Variants in CCDC191 observed in about 807,000 individuals in gnomAD.
CCDC191 encodes coiled-coil domain-containing protein 191.
CCDC191 carries 99 observed loss-of-function variants against 114.0 expected under a neutral mutation model. That is an observed-to-expected ratio of 0.87 (90% confidence interval 0.74 to 1.03). CCDC191 has a LOEUF of 1.03. CCDC191 is among the 50% of genes least tolerant of loss of function. CCDC191 has a pLI of 0.00. For synonymous variants in CCDC191, 351 were observed against 376.0 expected (o/e 0.93, Z 0.77); for missense variants, 973 against 1,087.0 (o/e 0.90, Z 1.47).
intron 11 of CCDC191, chr3:114,004,056 GC>G: frequency 1.0e-6 from 1 of 959,596 alleles, no homozygotes; most frequent in Non-Finnish European, 1.2e-6. Flanking sequence ...ACTCCTTGAG[GC>G]CAGGAGTTTG....
At chr3:113,993,166 C>G (rs1381731659) in intron 13 of CCDC191, among the ~76,000 whole-genome samples, 1 of 152,098 alleles carries the variant, frequency 6.6e-6, no homozygotes, top group Non-Finnish European at 1.5e-5. Context: ...GGTGTGGTGG[C>G]TCACGCCTGT....
chr3:114,018,006 A>G lies in CCDC191; in HGVS notation c.1163+672T>C, dbSNP rs550812071. 3.3e-5 allele frequency among the ~76,000 whole-genome samples: 5 copies of G among 152,320 alleles called. No homozygotes were observed. The South Asian group carries it at 1.0e-3, about 32-fold the overall frequency. ...AAAGAAAGCCTCATTTGAAGGCAGAATTCTGTGTCATTCACAAACATAAGA... is the reference window on the plus strand; with the variant it reads ...AAAGAAAGCCTCATTTGAAGGCAGAGTTCTGTGTCATTCACAAACATAAGA... On this transcript the variant is annotated intron_variant, in intron 8 of 16. Transcript: ENST00000295878.
intron 1 of CCDC191, among the ~76,000 whole-genome samples, chr3:114,053,932 T>A (rs2076731175): frequency 6.6e-6 from 1 of 152,000 alleles, no homozygotes; most frequent in Non-Finnish European, 1.5e-5. Context: ...TTAAACCTCC[T>A]TAGGGTTAAG....
At chr3:114,020,417 T>C (rs1284005420) in intron 7 of CCDC191, among the ~76,000 whole-genome samples, 2 of 152,168 alleles carry the variant, frequency 1.3e-5, no homozygotes, top group African/African-American at 4.8e-5. Flanking sequence ...TAATTTCTCA[T>C]TAGGAGAAAC....
chr3:114,037,647 G>A (rs1177146383), intron 4 of CCDC191, among the ~76,000 whole-genome samples: 37 of 152,018 alleles, frequency 2.4e-4, no homozygotes, highest in Non-Finnish European at 1.5e-5. Flanking sequence ...ATCTCTGGGG[G>A]ATTGGTTCCA....
At chr3:114,023,238 C>A (rs1160568149) in intron 7 of CCDC191, among the ~76,000 whole-genome samples, 3 of 152,212 alleles carry the variant, frequency 2.0e-5, no homozygotes, top group Non-Finnish European at 2.9e-5. Flanking sequence ...ATTCCATGCT[C>A]ATGGGTAGGA....
At chr3:114,027,408 G>T (rs2076336197) in intron 7 of CCDC191, among the ~76,000 whole-genome samples, 1 of 152,086 alleles carries the variant, frequency 6.6e-6, no homozygotes, top group African/African-American at 2.4e-5. Flanking sequence ...GAGGTCAGGA[G>T]ATTGAGAACA....
At chr3:113,992,647 C>T (rs1019732881) in intron 13 of CCDC191, among the ~76,000 whole-genome samples, 1 of 152,110 alleles carries the variant, frequency 6.6e-6, no homozygotes, top group Non-Finnish European at 1.5e-5. Context: ...TTAATGGGTG[C>T]AGCATACCAA....
intron 7 of CCDC191, among the ~76,000 whole-genome samples, chr3:114,025,768 A>C (rs1038226678): frequency 6.6e-6 from 1 of 152,122 alleles, no homozygotes; most frequent in African/African-American, 2.4e-5. Flanking sequence ...TGTCCCTTAG[A>C]GACCTTCTTC....
At position 114,031,613 on chromosome 3, in the gene CCDC191, T is replaced by C. The variant is rs772629841; in HGVS notation, c.972+13A>G. 26 of 1,600,476 alleles carry C rather than the reference T, an allele frequency of 1.6e-5. No homozygotes were observed. The highest frequency in any genetic ancestry group is 1.5e-4 in the South Asian group (14 of 90,590). ...CTACAGAATGCTGAGTAAAGAGACA[T>C]TGCAATTCCCACCTGTTGATTTTCT... On this transcript the variant is annotated intron_variant, in intron 7 of 16. Transcript: ENST00000295878.
chr3:114,004,459 A>C lies in CCDC191; in HGVS notation c.1978+178T>G, dbSNP rs1036325752. The C allele has an allele frequency of 1.8e-5, 21 of 1,190,624 alleles. No individual in the cohort carries two copies. In the African/African-American group the frequency reaches 3.4e-4, roughly 19 times the overall value. The allele number at this position is 1,190,624 out of a possible 1,614,324, so 73.8% of individuals were successfully genotyped here. ...AGGTTGGCAAAAGGGGCAGGAAAAA[A>C]GTAGTGGGGCTCTCTGGTGTACTCC... is the stretch of plus-strand genomic sequence containing the variant. On this transcript the variant is annotated intron_variant, in intron 11 of 16. Coordinates refer to ENST00000295878, the MANE Select transcript of CCDC191 (RefSeq NM_020817.2).
chr3:114,016,239 C>T (rs1196328954), intron 8 of CCDC191, among the ~76,000 whole-genome samples: 1 of 152,166 alleles, frequency 6.6e-6, no homozygotes, highest in Non-Finnish European at 1.5e-5. Flanking sequence ...TAGTGAGTAA[C>T]CACGATAATA....
chr3:114,049,082 A>G (rs2076667583), intron 2 of CCDC191, among the ~76,000 whole-genome samples: 1 of 152,256 alleles, frequency 6.6e-6, no homozygotes, highest in African/African-American at 2.4e-5. Context: ...AGACAGAAGC[A>G]GAGGAATAAA....
chr3:113,974,641 A>C (rs187329508), intron 16 of CCDC191, among the ~76,000 whole-genome samples: 1 of 152,010 alleles, frequency 6.6e-6, no homozygotes, highest in Admixed American at 6.6e-5. Flanking sequence ...TTTCTTGTGG[A>C]TATATGTCTA....
rs750878085 is a variant in CCDC191 at position 114,053,643 on chromosome 3, T to G, written c.91-8A>C. On this transcript the variant is annotated splice_region_variant and splice_polypyrimidine_tract_variant and intron_variant, in intron 1 of 16. Coordinates refer to ENST00000295878, the MANE Select transcript of CCDC191 (RefSeq NM_020817.2). Reference sequence around the variant, plus strand: ...GTCAGGACCAAAAGTAGGCTGTAGATAACATATATATGATATCAATACGCA... The same window carrying G: ...GTCAGGACCAAAAGTAGGCTGTAGAGAACATATATATGATATCAATACGCA... 3 of 1,574,494 alleles carry G rather than the reference T, an allele frequency of 1.9e-6. No homozygotes were observed. The East Asian group carries it at 6.8e-5, about 35-fold the overall frequency.
chr3:114,015,092 C>T (rs1218357106), intron 8 of CCDC191, among the ~76,000 whole-genome samples: 1 of 152,104 alleles, frequency 6.6e-6, no homozygotes. Flanking sequence ...TGGCCTGCCA[C>T]AGTACCCTCA....
intron 13 of CCDC191, among the ~76,000 whole-genome samples, chr3:114,001,245 G>T (rs922863785): frequency 3.3e-5 from 5 of 152,178 alleles, no homozygotes; most frequent in Non-Finnish European, 5.9e-5. Flanking sequence ...TCACAGTTTA[G>T]TTGGGGATGT....
At chr3:114,014,836 A>G (rs2076132319) in intron 8 of CCDC191, among the ~76,000 whole-genome samples, 3 of 152,062 alleles carry the variant, frequency 2.0e-5, no homozygotes, top group Non-Finnish European at 4.4e-5. Flanking sequence ...TTCTGTTGCA[A>G]TTGTGTTAAA....
chr3:113,976,918 A>G (rs1267510544), intron 16 of CCDC191, among the ~76,000 whole-genome samples: 1 of 152,218 alleles, frequency 6.6e-6, no homozygotes, highest in South Asian at 2.1e-4. Flanking sequence ...TTTTAATTTA[A>G]ACAAAACTAT....
Sources: gnomAD v4.1 joint callset for allele counts (sites outside exome capture counted in the v4.1 genomes callset) on GRCh38, gnomAD v4.1.1 for gene constraint, MANE v1.5 for transcripts, NCBI Gene and HGNC (gene_info 2026-07-23, HGNC 2026-07-21) for gene names.